Variants in ZNF536 observed in about 807,000 individuals in gnomAD.
The protein encoded by ZNF536 is zinc finger protein 536.
ZNF536 carries 13 observed loss-of-function variants against 84.5 expected under a neutral mutation model. That is an observed-to-expected ratio of 0.15 (90% CI 0.10 to 0.24). ZNF536 has a LOEUF of 0.24. Among genes scored for constraint, ZNF536 ranks in the 10% least tolerant of loss-of-function variants. The probability of loss-of-function intolerance (pLI) is 1.00; values close to 1 mark genes in which losing one functional copy is unlikely to be tolerated. For synonymous variants in ZNF536, 811 were observed against 742.5 expected, an observed-to-expected ratio of 1.09 and a Z score of -1.50; for missense variants, 1,536 against 1,747.5, an observed-to-expected ratio of 0.88 and a Z score of 2.16.
chr19:30,578,179 AG>A (rs2046803525), intron 1 of ZNF536, among the ~76,000 whole-genome samples: 1 of 152,222 alleles, frequency 6.6e-6, no homozygotes, highest in African/African-American at 2.4e-5. Flanking sequence ...TGGAATCTGA[AG>A]GGGTTTCTGG....
intron 2 of ZNF536, among the ~76,000 whole-genome samples, chr19:30,499,954 C>G (rs1331029572): frequency 6.6e-6 from 1 of 152,136 alleles, no homozygotes; most frequent in Non-Finnish European, 1.5e-5. Flanking sequence ...GTGTGTGGCC[C>G]CACCCCACTC....
intron 2 of ZNF536, among the ~76,000 whole-genome samples, chr19:30,512,471 G>T (rs10411765): frequency 0.022 from 3,350 of 152,140 alleles, 125 homozygotes; most frequent in African/African-American, 0.076. Context: ...CAAACATTGT[G>T]CAGTAAACAG....
At chr19:30,686,289 T>C (rs903767774) in intron 1 of ZNF536, among the ~76,000 whole-genome samples, 1 of 152,072 alleles carries the variant, frequency 6.6e-6, no homozygotes, top group African/African-American at 2.4e-5. Flanking sequence ...TTTTTTTCTT[T>C]TGCAAAGGGC....
At chr19:30,711,935 G>C (rs2052467377) in exon 2 of ZNF536, 1 of 152,038 alleles carries the variant, frequency 6.6e-6, no homozygotes, top group African/African-American at 2.4e-5. Flanking sequence ...AATTTTACTT[G>C]AATGAAGGCT....
chr19:30,672,798 G>C (rs1030892846), intron 1 of ZNF536, among the ~76,000 whole-genome samples: 1 of 152,210 alleles, frequency 6.6e-6, no homozygotes. Flanking sequence ...GGAAGTACAA[G>C]GAGGGAGTGG....
intron 1 of ZNF536, among the ~76,000 whole-genome samples, chr19:30,655,610 T>C (rs141375786): frequency 6.6e-6 from 1 of 152,274 alleles, no homozygotes; most frequent in Non-Finnish European, 1.5e-5. Flanking sequence ...GGTTGGGGAA[T>C]AGGGCAGAAT....
At chr19:30,450,420 G>T (rs145506028) in intron 2 of ZNF536, among the ~76,000 whole-genome samples, 177 of 152,318 alleles carry the variant, frequency 1.2e-3, no homozygotes, top group African/African-American at 3.9e-3. Context: ...GAAAACTGCC[G>T]GAGCAGGCTT....
At chr19:30,293,349 C>T (rs974553226) in intron 2 of ZNF536, among the ~76,000 whole-genome samples, 26 of 152,092 alleles carry the variant, frequency 1.7e-4, no homozygotes, top group African/African-American at 5.8e-4. Flanking sequence ...CTTTCTTCCA[C>T]GGGAGAAAAG....
At chr19:30,606,103 A>G (rs1262262293) in intron 1 of ZNF536, among the ~76,000 whole-genome samples, 30 of 151,534 alleles carry the variant, frequency 2.0e-4, no homozygotes, top group South Asian at 2.1e-4. Flanking sequence ...GCACTGAGCC[A>G]TGATTGTGCC....
chr19:30,345,572 T>G (rs1054796028), intron 2 of ZNF536, among the ~76,000 whole-genome samples: 1 of 152,150 alleles, frequency 6.6e-6, no homozygotes, highest in African/African-American at 2.4e-5. Flanking sequence ...CATGTCTACT[T>G]AAGGTAGAAG....
At chr19:30,516,217 GGTAC>G (rs1306499357) in intron 2 of ZNF536, among the ~76,000 whole-genome samples, 1 of 152,020 alleles carries the variant, frequency 6.6e-6, no homozygotes, top group Non-Finnish European at 1.5e-5. Flanking sequence ...GAGAGAACTA[GGTAC>G]CTCACCACAA....
intron 1 of ZNF536, among the ~76,000 whole-genome samples, chr19:30,671,118 G>A (rs962080177): frequency 6.6e-6 from 1 of 152,242 alleles, no homozygotes; most frequent in African/African-American, 2.4e-5. Flanking sequence ...AAGGATGAAT[G>A]CATCATTATC....
chr19:30,522,283 A>ATATATATATGTGTATATTTATATATATAT, intron 2 of ZNF536, among the ~76,000 whole-genome samples: 1 of 42,352 alleles, frequency 2.4e-5, no homozygotes. Context: ...ACATATATAT[A>ATATATATATGTGTATATTTATATATATAT]ATATATATAT....
At chr19:30,472,335 G>A (rs761069761) in intron 2 of ZNF536, among the ~76,000 whole-genome samples, 4 of 152,130 alleles carry the variant, frequency 2.6e-5, no homozygotes, top group Non-Finnish European at 4.4e-5. Context: ...GCGGCAGGTC[G>A]GATCTGTGTA....
chr19:30,548,640 T>G lies in ZNF536; in HGVS notation c.3021T>G (p.Ala1007=), dbSNP rs201161274. Residue 1007 remains alanine (A), a synonymous_variant, in exon 4 of 5, where the codon GCT becomes GCG. Transcript: ENST00000355537. ...CATGGCACGGCTGCTTGTTTTGTGC[T>G]TTCACAACGTCCTCCATGGAGCTCA... ...SIAWHGCLFC[A]FTTSSMELMA... 1 of 1,614,088 alleles carries G rather than the reference T, an allele frequency of 6.2e-7. No individual in the cohort carries two copies. The highest frequency in any genetic ancestry group is 8.5e-7 in the Non-Finnish European group (1 of 1,180,020).
intron 1 of ZNF536, among the ~76,000 whole-genome samples, chr19:30,677,721 C>A (rs986470638): frequency 5.9e-5 from 9 of 152,174 alleles, no homozygotes; most frequent in South Asian, 4.1e-4. Context: ...TGATCTTTTG[C>A]GATTTTTGTC....
intron 3 of ZNF536, among the ~76,000 whole-genome samples, chr19:30,362,219 G>T (rs1230003341): frequency 5.9e-5 from 9 of 152,164 alleles, no homozygotes; most frequent in Non-Finnish European, 1.2e-4. Flanking sequence ...CCTGTCCAAG[G>T]GTTTTCAGAT....
chr19:30,367,822 C>T (rs573948984), upstream of ZNF536, among the ~76,000 whole-genome samples: 14 of 152,304 alleles, frequency 9.2e-5, no homozygotes, highest in Admixed American at 3.3e-4. Flanking sequence ...TGCACTTCAC[C>T]GTCTTGCCTA....
At chr19:30,493,795 C>T (rs933688126) in intron 2 of ZNF536, among the ~76,000 whole-genome samples, 2 of 152,126 alleles carry the variant, frequency 1.3e-5, no homozygotes, top group African/African-American at 4.8e-5. Context: ...ATAAGAGGTT[C>T]CTGCGGGGGC....
Sources: gnomAD v4.1 joint callset for allele counts (sites outside exome capture counted in the v4.1 genomes callset) on GRCh38, gnomAD v4.1.1 for gene constraint, MANE v1.5 for transcripts, NCBI Gene and HGNC (gene_info 2026-07-23, HGNC 2026-07-21) for gene names.